RNF103: variants seen among roughly 807,000 people sequenced by gnomAD.
RNF103 encodes the protein E3 ubiquitin-protein ligase RNF103.
In RNF103, 23 loss-of-function variants were observed where a neutral mutation model predicts 66.2. That is an observed-to-expected ratio of 0.35 (90% CI 0.25 to 0.49). The LOEUF is 0.49. Ranked by LOEUF, RNF103 falls within the 20% of genes least tolerant of loss-of-function variation. The probability of loss-of-function intolerance (pLI) is 0.98; values close to 1 mark genes in which losing one functional copy is unlikely to be tolerated. For synonymous variants in RNF103, 297 were observed against 289.9 expected (o/e 1.02, Z -0.25); for missense variants, 730 against 814.7 (o/e 0.90, Z 1.27).
At chr2:86,606,800 T>C (rs1483948945) in intron 3 of RNF103, among the ~76,000 whole-genome samples, 1 of 152,018 alleles carries the variant, frequency 6.6e-6, no homozygotes, top group African/African-American at 2.4e-5. Flanking sequence ...TAATAAGAGA[T>C]AGGGTCTTTC....
chr2:86,611,142 T>C (rs1041739620), intron 3 of RNF103, among the ~76,000 whole-genome samples: 1 of 150,808 alleles, frequency 6.6e-6, no homozygotes, highest in African/African-American at 2.5e-5. Flanking sequence ...ATCACACCAC[T>C]GCACTACAGC....
intron 2 of RNF103, chr2:86,616,674 T>C (rs1679037376): frequency 1.0e-6 from 1 of 985,420 alleles, no homozygotes; most frequent in Non-Finnish European, 1.2e-6. Context: ...CAGTAAATAT[T>C]GACCCAAAGC....
intron 2 of RNF103, among the ~76,000 whole-genome samples, chr2:86,619,699 T>C (rs888340784): frequency 6.6e-6 from 1 of 152,220 alleles, no homozygotes; most frequent in Non-Finnish European, 1.5e-5. Context: ...CCACTCACCA[T>C]AAATTACATC....
intron 2 of RNF103, chr2:86,617,411 ACAC>A (rs1679063090): frequency 1.7e-6 from 1 of 587,424 alleles, no homozygotes; most frequent in South Asian, 7.6e-5. Context: ...GGAGAGAGAG[ACAC>A]CACATTTACA....
chr2:86,604,653 G>T lies in RNF103; in HGVS notation c.1248C>A (p.His416Gln), dbSNP rs1439284982. ...GGTATGTACTGAGAAACAGGGCTGG[G>T]TGTGAAGAGTAAAACATCCAGTCTG... ...VRADWMFYSS[H>Q]PALFLSTYLG... The change falls in exon 4 of 4, where the codon CAC (histidine) becomes CAA (glutamine). Residue 416 changes from histidine (H) to glutamine (Q), a missense_variant. Coordinates refer to ENST00000237455, the MANE Select transcript of RNF103 (RefSeq NM_005667.4). 1 of 1,614,188 alleles carries T rather than the reference G, an allele frequency of 6.2e-7. No individual in the cohort carries two copies. The highest frequency in any genetic ancestry group is 8.5e-7 in the Non-Finnish European group (1 of 1,180,034).
intron 3 of RNF103, among the ~76,000 whole-genome samples, chr2:86,611,227 T>C (rs181448580): frequency 3.3e-5 from 5 of 151,606 alleles, no homozygotes; most frequent in Admixed American, 6.6e-5. Flanking sequence ...AAGATGAGCA[T>C]GACAGCTTTG....
chr2:86,614,439 TA>T, intron 2 of RNF103: 1 of 151,906 alleles, frequency 6.6e-6, no homozygotes, highest in Non-Finnish European at 1.5e-5. Flanking sequence ...CCGCCTCTAT[TA>T]AAAAAAACAA....
chr2:86,614,378 G>C (rs1261880279), intron 2 of RNF103: 7 of 152,174 alleles, frequency 4.6e-5, no homozygotes, highest in Admixed American at 6.6e-5. Flanking sequence ...GAGGCTGGTG[G>C]ATCATTTGAG....
At chr2:86,607,610 C>T (rs994626148) in intron 3 of RNF103, among the ~76,000 whole-genome samples, 3 of 152,172 alleles carry the variant, frequency 2.0e-5, no homozygotes, top group South Asian at 2.1e-4. Flanking sequence ...ATATCTTCTA[C>T]TCAATGCAAA....
In RNF103 at chr2:86,605,164, G is replaced by A; in HGVS notation, c.737C>T (p.Pro246Leu). 6.2e-7 allele frequency: 1 copy of A among 1,613,680 alleles called. No homozygotes were observed. Among genetic ancestry groups the A allele is most frequent in the Non-Finnish European group, 8.5e-7 (1 of 1,180,022 alleles). Residue 246 changes from proline (P) to leucine (L), a missense_variant, in exon 4 of 4, where the codon CCC becomes CTC. Pro to Leu is a moderately conservative substitution (Grantham distance 98). Coordinates refer to ENST00000237455, the MANE Select transcript of RNF103 (RefSeq NM_005667.4). The part of the protein sequence containing the change: ...KIYLFANLDQ[P>L]PAFFSALSIK... ...ACTTAGTGCAGAGAAGAAAGCTGGG[G>A]GCTGGTCAAGGTTTGCAAATAGGTA...
chr2:86,607,921 T>C (rs1267948880), intron 3 of RNF103, among the ~76,000 whole-genome samples: 1 of 151,636 alleles, frequency 6.6e-6, no homozygotes, highest in Admixed American at 6.5e-5. Flanking sequence ...AACAAACATA[T>C]TATGTGCTTT....
Position 86,623,414 on chromosome 2 carries a change from C to A in RNF103, c.-528G>T. The A allele has an allele frequency of 1.0e-6, 1 of 981,368 alleles. No homozygotes were observed. The highest frequency in any genetic ancestry group is 1.2e-6 in the Non-Finnish European group (1 of 828,058). 60.8% of individuals were successfully genotyped at this position (981,368 alleles called of 1,614,324 possible). ...GCGGCCGCGGGTCAGGAGGGCGCGG[C>A]GCTCGGCCGGGCCAGGCCCGGGGCC... On this transcript the variant is annotated 5_prime_UTR_variant, in exon 1 of 4. Coordinates refer to ENST00000237455, the MANE Select transcript of RNF103 (RefSeq NM_005667.4).
In RNF103 at chr2:86,604,955, A is replaced by G; in HGVS notation, c.946T>C (p.Leu316=). The part of the protein sequence containing the change: ...FISLQAMDSF[L]RSLQPEVNDL... ...TTTACCTCGGGTTGTAATGAGCGCA[A>G]AAATGAATCCATGGCCTGAAGGGAT... The change falls in exon 4 of 4, where the codon TTG becomes CTG. Residue 316 remains leucine (L), a synonymous_variant. Transcript: ENST00000237455. The G allele has an allele frequency of 6.2e-7, 1 of 1,614,142 alleles. No homozygotes were observed. Among genetic ancestry groups the G allele is most frequent in the East Asian group, 2.2e-5 (1 of 44,872 alleles).
Position 86,603,748 on chromosome 2 carries a change from T to C in RNF103, c.*95A>G, listed in dbSNP as rs1323231441. Reference sequence around the variant, plus strand: ...TGTATTTCCCGTCACTGCACTAACATTAAACTAAACTTCAAACCACAAAAA... The same window carrying C: ...TGTATTTCCCGTCACTGCACTAACACTAAACTAAACTTCAAACCACAAAAA... On this transcript the variant is annotated 3_prime_UTR_variant, in exon 4 of 4. Transcript: ENST00000237455. 2 of 1,492,900 alleles carry C rather than the reference T, an allele frequency of 1.3e-6. No individual in the cohort carries two copies. Among genetic ancestry groups the C allele is most frequent in the African/African-American group, 2.8e-5 (2 of 71,154 alleles). The allele number at this position is 1,492,900 out of a possible 1,614,324, so 92.5% of individuals were successfully genotyped here.
intron 3 of RNF103, among the ~76,000 whole-genome samples, chr2:86,610,458 GATT>G (rs1678748152): frequency 6.6e-6 from 1 of 152,134 alleles, no homozygotes; most frequent in Non-Finnish European, 1.5e-5. Context: ...AAGATTATAA[GATT>G]ATGGTTTGTC....
chr2:86,617,784 A>G, intron 2 of RNF103: 1 of 1,015,230 alleles, frequency 9.8e-7, no homozygotes, highest in Non-Finnish European at 1.2e-6. Flanking sequence ...AATTTTAAGC[A>G]TAGTTTTAAA....
rs527461169 is a variant in RNF103 at position 86,612,097 on chromosome 2, C to T, written c.482+62G>A. On this transcript the variant is annotated intron_variant, in intron 3 of 3. Coordinates refer to ENST00000237455, the MANE Select transcript of RNF103 (RefSeq NM_005667.4). ...CAAGCAGGCTTCTAGTATCATTGCC[C>T]TTTTTAAATAAGAAAGATCCTGGTC... is the stretch of plus-strand genomic sequence containing the variant. 1.5e-4 allele frequency: 166 copies of T among 1,086,852 alleles called. 1 individual carries two copies. In the East Asian group the frequency reaches 4.0e-3, roughly 26 times the overall value. The allele number at this position is 1,086,852 out of a possible 1,614,324, so 67.3% of individuals were successfully genotyped here.
intron 1 of RNF103, 53 bp from the exon 2 acceptor site, chr2:86,620,522 C>A: frequency 6.8e-7 from 1 of 1,459,890 alleles, no homozygotes; most frequent in Non-Finnish European, 9.2e-7. Context: ...CCTAGATTCC[C>A]AATTTCAGTA....
At chr2:86,620,250 C>G in intron 2 of RNF103, 80 bp downstream of exon 2, 1 of 1,411,872 alleles carries the variant, frequency 7.1e-7, no homozygotes, top group Non-Finnish European at 9.4e-7. Context: ...ACGGAAGTGT[C>G]ACTGGCTGGT....
Sources: gnomAD v4.1 joint callset for allele counts (sites outside exome capture counted in the v4.1 genomes callset) on GRCh38, gnomAD v4.1.1 for gene constraint, MANE v1.5 for transcripts, NCBI Gene and HGNC (gene_info 2026-07-23, HGNC 2026-07-21) for gene names.